The following GALNT13 variants were observed in gnomAD, a reference collection of about 807,000 sequenced individuals.
The protein encoded by GALNT13 is UDP-GalNAc:polypeptide N-acetylgalactosaminyltransferase 13.
Under a neutral mutation model 64.2 loss-of-function variants are expected in GALNT13, and 28 were observed. The ratio of observed to expected loss-of-function variants is 0.44; its 90% CI spans 0.32 to 0.60. The LOEUF is 0.60. GALNT13 is among the 20% of genes least tolerant of loss of function. The probability of loss-of-function intolerance (pLI) is 0.05; values close to 1 mark genes in which losing one functional copy is unlikely to be tolerated. For missense variants in GALNT13, 577 were observed against 669.8 expected (o/e 0.86, Z 1.53); for synonymous variants, 214 against 224.6 (o/e 0.95, Z 0.42).
chr2:153,955,630 A>T (rs1692511503), intron 3 of GALNT13, among the ~76,000 whole-genome samples: 1 of 152,170 alleles, frequency 6.6e-6, no homozygotes, highest in Non-Finnish European at 1.5e-5. Context: ...TCTCTAAAAA[A>T]AGTGTGGATT....
intron 3 of GALNT13, among the ~76,000 whole-genome samples, chr2:153,959,775 C>T (rs923249423): frequency 6.6e-6 from 1 of 152,136 alleles, no homozygotes; most frequent in Non-Finnish European, 1.5e-5. Flanking sequence ...GTAATCCACC[C>T]ATTACTAGTC....
intron 3 of GALNT13, among the ~76,000 whole-genome samples, chr2:154,115,900 C>T (rs2105503311): frequency 6.6e-6 from 1 of 152,242 alleles, no homozygotes; most frequent in Non-Finnish European, 1.5e-5. Context: ...TATTAGAAAA[C>T]TCAAGCAGTT....
the GALNT13 span, among the ~76,000 whole-genome samples, chr2:153,650,313 C>T: frequency 6.6e-6 from 1 of 152,006 alleles, no homozygotes; most frequent in Non-Finnish European, 1.5e-5. Context: ...TTTCCATTTG[C>T]TTGGTAGATC....
At chr2:153,936,879 C>T (rs1356966652) in intron 2 of GALNT13, among the ~76,000 whole-genome samples, 2 of 152,020 alleles carry the variant, frequency 1.3e-5, no homozygotes, top group African/African-American at 4.8e-5. Context: ...TGCCACCATG[C>T]CCGGCTAGTT....
the GALNT13 span, among the ~76,000 whole-genome samples, chr2:153,501,838 T>C: frequency 8.8e-4 from 134 of 152,336 alleles, no homozygotes; most frequent in Admixed American, 8.5e-4. Context: ...TATCCGCTTT[T>C]AATTAAGCTG....
At chr2:153,213,896 A>C in the GALNT13 span, among the ~76,000 whole-genome samples, 1 of 152,182 alleles carries the variant, frequency 6.6e-6, no homozygotes, top group Non-Finnish European at 1.5e-5. Flanking sequence ...GTGCTTACAA[A>C]TAAGGAAAAA....
At chr2:153,739,584 T>TTTTA in the GALNT13 span, among the ~76,000 whole-genome samples, 3 of 138,476 alleles carry the variant, frequency 2.2e-5, no homozygotes, top group African/African-American at 5.2e-5. Context: ...TTATTCATTA[T>TTTTA]TTTATTTATT....
chr2:154,054,166 A>G (rs10208958), intron 3 of GALNT13, among the ~76,000 whole-genome samples: 7,625 of 152,032 alleles, frequency 0.05, 379 homozygotes, highest in African/African-American at 0.13. Context: ...AGTCTATATT[A>G]TGCTGATGGG....
the GALNT13 span, among the ~76,000 whole-genome samples, chr2:153,337,119 T>C: frequency 1.3e-5 from 2 of 152,154 alleles, no homozygotes; most frequent in Admixed American, 6.5e-5. Flanking sequence ...ATCAGCAGCG[T>C]GAAAAATGGA....
the GALNT13 span, among the ~76,000 whole-genome samples, chr2:153,591,691 T>C: frequency 6.6e-6 from 1 of 151,988 alleles, no homozygotes; most frequent in Non-Finnish European, 1.5e-5. Flanking sequence ...ACAATATGGA[T>C]TAGAGACTTA....
At chr2:153,344,242 T>A in the GALNT13 span, among the ~76,000 whole-genome samples, 2 of 152,252 alleles carry the variant, frequency 1.3e-5, no homozygotes, top group Admixed American at 1.3e-4. Flanking sequence ...TTCCACCATT[T>A]GTCTCAATAA....
the GALNT13 span, among the ~76,000 whole-genome samples, chr2:153,581,494 T>A: frequency 6.6e-6 from 1 of 152,130 alleles, no homozygotes; most frequent in Non-Finnish European, 1.5e-5. Context: ...TATATTTTTT[T>A]AAATTGGCAT....
intron 11 of GALNT13, among the ~76,000 whole-genome samples, chr2:154,419,784 C>A (rs1417607748): frequency 6.6e-6 from 1 of 151,986 alleles, no homozygotes; most frequent in Non-Finnish European, 1.5e-5. Flanking sequence ...GACTATGGCA[C>A]CAACAAGGGA....
At chr2:153,433,377 C>A in the GALNT13 span, among the ~76,000 whole-genome samples, 1 of 152,116 alleles carries the variant, frequency 6.6e-6, no homozygotes, top group Non-Finnish European at 1.5e-5. Context: ...ATTTAGTGGA[C>A]AATTATATGT....
At chr2:154,374,766 A>C in intron 9 of GALNT13, among the ~76,000 whole-genome samples, 1 of 152,200 alleles carries the variant, frequency 6.6e-6, no homozygotes, top group Admixed American at 6.5e-5. Context: ...TGACAAACCC[A>C]GCTTATACTG....
rs1433671889 is a variant in GALNT13, at chr2:154,452,074, A to C, written c.*1523A>C. The C allele has an allele frequency of 1.3e-5, 2 of 152,134 alleles. No homozygotes were observed. Among genetic ancestry groups the C allele is most frequent in the African/African-American group, 4.8e-5 (2 of 41,440 alleles). 9.4% of individuals were successfully genotyped at this position (152,134 alleles called of 1,614,324 possible). A position where few individuals can be genotyped will look rare whatever the true frequency, so the allele number is the denominator to read the frequency against. The stretch of plus-strand genomic sequence containing the variant: ...AGTAAAATCTTAAATGATTTTTGCC[A>C]CTGGTATTCCTTCCTCTTTTGACTT... On this transcript the variant is annotated 3_prime_UTR_variant, in exon 13 of 13. Transcript: ENST00000392825.
At chr2:153,099,291 C>T in the GALNT13 span, among the ~76,000 whole-genome samples, 1 of 152,008 alleles carries the variant, frequency 6.6e-6, no homozygotes, top group South Asian at 2.1e-4. Flanking sequence ...CTTTTCAGTT[C>T]AGCATTGTTT....
At chr2:153,513,346 C>T in the GALNT13 span, among the ~76,000 whole-genome samples, 1 of 152,160 alleles carries the variant, frequency 6.6e-6, no homozygotes, top group Non-Finnish European at 1.5e-5. Flanking sequence ...AGTTGATTTT[C>T]CACAAGTCCT....
intron 8 of GALNT13, among the ~76,000 whole-genome samples, chr2:154,276,521 C>T (rs1234414273): frequency 1.3e-5 from 2 of 152,142 alleles, no homozygotes; most frequent in Non-Finnish European, 2.9e-5. Flanking sequence ...AAGGCATGAA[C>T]CACCAGGCCC....
Sources: gnomAD v4.1 joint callset for allele counts (sites outside exome capture counted in the v4.1 genomes callset) on GRCh38, gnomAD v4.1.1 for gene constraint, MANE v1.5 for transcripts, NCBI Gene and HGNC (gene_info 2026-07-23, HGNC 2026-07-21) for gene names.